The following PLXNA1 variants were observed in gnomAD, a reference collection of about 807,000 sequenced individuals.
PLXNA1 encodes plexin A1, also known as plexin-A1.
In PLXNA1, 77 loss-of-function variants were observed where a neutral mutation model predicts 191.7. The observed-to-expected ratio is 0.40, with a 90% CI of 0.33 to 0.49. The LOEUF is 0.49. Among genes scored for constraint, PLXNA1 ranks in the 20% least tolerant of loss-of-function variants. The pLI is 0.63. For missense variants in PLXNA1, 2,110 were observed against 2,660.2 expected (o/e 0.79, Z 4.55); for synonymous variants, 1,137 against 1,156.4 (o/e 0.98, Z 0.34).
At chr3:127,018,158 G>A in intron 19 of PLXNA1, 136 bp from the exon 20 acceptor site, 1 of 915,248 alleles carries the variant, frequency 1.1e-6, no homozygotes, top group Non-Finnish European at 1.6e-6. Context: ...TCTCCACCCT[G>A]GTGACCACTC....
At chr3:127,003,183 AGT>A (rs1014584324) in intron 3 of PLXNA1, 145 bp from the exon 4 acceptor site, 10 of 810,166 alleles carry the variant, frequency 1.2e-5, no homozygotes, top group Non-Finnish European at 3.5e-6. Flanking sequence ...GGATGTGGAG[AGT>A]GAGTATGGCT....
At chr3:126,995,142 T>G (rs916887259) in intron 3 of PLXNA1, among the ~76,000 whole-genome samples, 2 of 152,170 alleles carry the variant, frequency 1.3e-5, no homozygotes, top group African/African-American at 4.8e-5. Flanking sequence ...TTGTAGCTGA[T>G]TAATTTAAGA....
At chr3:126,994,914 C>T (rs1348899034) in intron 3 of PLXNA1, among the ~76,000 whole-genome samples, 1 of 152,096 alleles carries the variant, frequency 6.6e-6, no homozygotes, top group African/African-American at 2.4e-5. Context: ...GCTGTGCTCT[C>T]AGAGCACAGG....
chr3:127,014,636 G>T lies in PLXNA1; in HGVS notation c.2756+7G>T. On this transcript the variant is annotated splice_region_variant and intron_variant, in intron 13 of 31. Coordinates refer to ENST00000393409, the MANE Select transcript of PLXNA1 (RefSeq NM_032242.4). The stretch of plus-strand genomic sequence containing the variant: ...AGTACATCAGTGCGGAGCAGTGAGT[G>T]CAGCCCTGGGTGTGTGCGGGGCGGG... 1 of 1,612,784 alleles carries T rather than the reference G, an allele frequency of 6.2e-7. No homozygotes were observed. The highest frequency in any genetic ancestry group is 8.5e-7 in the Non-Finnish European group (1 of 1,179,642).
chr3:127,023,209 C>T (rs573990907), intron 23 of PLXNA1, among the ~76,000 whole-genome samples: 1 of 152,288 alleles, frequency 6.6e-6, no homozygotes, highest in African/African-American at 2.4e-5. Context: ...CACTGGGCTT[C>T]CCCTGTGCTG....
At chr3:127,004,310 C>G (rs2107626988) in intron 4 of PLXNA1, among the ~76,000 whole-genome samples, 1 of 152,340 alleles carries the variant, frequency 6.6e-6, no homozygotes, top group South Asian at 2.1e-4. Context: ...AAGCTCAGAG[C>G]TGGGAGGGAG....
chr3:127,022,123 G>C lies in PLXNA1; in HGVS notation c.4077G>C (p.Gly1359=). The change falls in exon 22 of 32, where the codon GGG becomes GGC. Residue 1359 remains glycine (G), a synonymous_variant. Transcript: ENST00000393409. ...ANVEKSLTLF[G]QLLTKKHFLL... is the part of the protein sequence containing the mutation. ...TGGAGAAGTCGCTGACACTGTTCGG[G>C]CAGCTGCTGACCAAGAAGCACTTCC... The C allele has an allele frequency of 6.2e-7, 1 of 1,613,196 alleles. No individual in the cohort carries two copies.
In PLXNA1 at chr3:126,986,974, T is replaced by C. The variant is rs532383516; in HGVS notation, c.-73-1547T>C. Among the ~76,000 whole-genome samples, 118 of 152,298 alleles carry C rather than the reference T, an allele frequency of 7.7e-4. 1 individual carries two copies. The highest frequency in any genetic ancestry group is 2.7e-3 in the African/African-American group (112 of 41,560). On this transcript the variant is annotated intron_variant, in intron 1 of 31. Coordinates refer to ENST00000393409, the MANE Select transcript of PLXNA1 (RefSeq NM_032242.4). Reference sequence around the variant, plus strand: ...CTGTGCAAACTGGCTGGCTGAGGCTTGAACTCAAGACTCAGGACTCAGCCT... The same window carrying C: ...CTGTGCAAACTGGCTGGCTGAGGCTCGAACTCAAGACTCAGGACTCAGCCT...
At chr3:127,001,197 G>A (rs2079038391) in intron 3 of PLXNA1, among the ~76,000 whole-genome samples, 1 of 152,142 alleles carries the variant, frequency 6.6e-6, no homozygotes, top group African/African-American at 2.4e-5. Context: ...CTTGGAGCTG[G>A]TGTGCCCCCT....
Position 127,017,440 on chromosome 3 carries a change from A to G in PLXNA1, c.3292A>G (p.Asn1098Asp). The change falls in exon 18 of 32, where the codon AAT becomes GAT. Residue 1098 changes from asparagine to aspartate, a missense_variant. By Grantham distance (23) the Asn-to-Asp change is conservative. Around this residue, in one of 4 missense-constraint regions of PLXNA1, gnomAD observed 644 missense variants for 714.3 expected, o/e 0.90. Coordinates refer to ENST00000393409, the MANE Select transcript of PLXNA1 (RefSeq NM_032242.4). ...GTGTCTCCAGGGCTGCCTGGTGTAC[A>G]ATGACACCACCATGGTATGCCGCGC... ...IERENGCLVY[N>D]DTTMVCRAPS... is the part of the protein sequence containing the mutation. 3.7e-6 allele frequency: 6 copies of G among 1,612,800 alleles called. No homozygotes were observed. The highest frequency in any genetic ancestry group is 5.1e-6 in the Non-Finnish European group (6 of 1,179,864).
chr3:127,029,573 G>T, intron 27 of PLXNA1, 37 bp downstream of exon 27: 2 of 1,595,210 alleles, frequency 1.3e-6, no homozygotes, highest in East Asian at 2.2e-5. Context: ...GGCAGCGCAT[G>T]GGTCCCTGGC....
chr3:127,019,814 G>A (rs1041628809), intron 20 of PLXNA1, among the ~76,000 whole-genome samples: 2 of 152,176 alleles, frequency 1.3e-5, no homozygotes, highest in African/African-American at 4.8e-5. Context: ...TGGTGTGGGG[G>A]CTTGGGGACA....
rs774971878 is a variant in PLXNA1 at position 127,015,245 on chromosome 3, G to A, written c.2939G>A (p.Gly980Asp). 7 of 1,613,256 alleles carry A rather than the reference G, an allele frequency of 4.3e-6. No homozygotes were observed. Among genetic ancestry groups the A allele is most frequent in the South Asian group, 2.2e-5 (2 of 91,054 alleles). Residue 980 changes from glycine to aspartate, a missense_variant, in exon 15 of 32, where the codon GGC becomes GAC. Gly to Asp is a moderately conservative substitution (Grantham distance 94). This residue lies in a region of PLXNA1 where 644 missense variants were observed against 714.3 expected (regional missense o/e 0.90). Coordinates refer to ENST00000393409, the MANE Select transcript of PLXNA1 (RefSeq NM_032242.4). ...RGPLSGGTWI[G>D]IEGSHLNAGS... ...CCTCTGTCAGGGGGCACCTGGATTG[G>A]CATCGAGGGAAGCCACCTGAACGCA...
At chr3:127,031,086 CT>C (rs1024109019) in intron 29 of PLXNA1, among the ~76,000 whole-genome samples, 1 of 152,194 alleles carries the variant, frequency 6.6e-6, no homozygotes, top group African/African-American at 2.4e-5. Context: ...TGGCCCACCC[CT>C]GGGACAGTGA....
At chr3:127,029,279 A>G (rs528846625) in intron 26 of PLXNA1, among the ~76,000 whole-genome samples, 161 bp from the exon 27 acceptor site, 2 of 152,282 alleles carry the variant, frequency 1.3e-5, no homozygotes, top group African/African-American at 2.4e-5. Flanking sequence ...GGGATTGCCT[A>G]GCATCCCTGG....
At chr3:127,008,628 C>T (rs752036800) in intron 9 of PLXNA1, among the ~76,000 whole-genome samples, 1 of 152,158 alleles carries the variant, frequency 6.6e-6, no homozygotes, top group Non-Finnish European at 1.5e-5. Flanking sequence ...CCGGGACTTG[C>T]AGCCAGGTCC....
At chr3:126,998,981 A>G (rs1422096231) in intron 3 of PLXNA1, among the ~76,000 whole-genome samples, 1 of 152,192 alleles carries the variant, frequency 6.6e-6, no homozygotes, top group Admixed American at 6.5e-5. Context: ...TTCCAGTATC[A>G]AGTTCCTCCT....
chr3:127,010,182 G>C (rs1441333237), intron 9 of PLXNA1, among the ~76,000 whole-genome samples: 1 of 152,034 alleles, frequency 6.6e-6, no homozygotes, highest in Non-Finnish European at 1.5e-5. Context: ...GGTTGTAATC[G>C]GAGCCTTTGG....
At chr3:127,023,663 AG>A (rs2079163018) in intron 23 of PLXNA1, among the ~76,000 whole-genome samples, 1 of 152,224 alleles carries the variant, frequency 6.6e-6, no homozygotes, top group African/African-American at 2.4e-5. Flanking sequence ...TGGGGCTTTC[AG>A]GCCTCCTGCA....
Sources: allele counts gnomAD v4.1 joint callset (sites outside exome capture counted in the v4.1 genomes callset), GRCh38; gene constraint gnomAD v4.1.1; regional missense constraint gnomAD v4.1.1; transcripts MANE v1.5; gene names NCBI Gene and HGNC (gene_info 2026-07-23, HGNC 2026-07-21).